Variants in TECPR1 observed in about 807,000 individuals in gnomAD.
The protein encoded by TECPR1 is tectonin beta-propeller repeat containing 1, also known as tectonin beta-propeller repeat-containing protein 1.
A neutral mutation model predicts 162.4 loss-of-function variants in TECPR1; 122 were observed. The observed-to-expected ratio is 0.75, with a 90% CI of 0.65 to 0.87. TECPR1 has a LOEUF of 0.87. Among genes scored for constraint, TECPR1 ranks in the 40% least tolerant of loss-of-function variants. The pLI is 0.00. For missense variants in TECPR1, 1,432 were observed against 1,618.2 expected (o/e 0.88, Z 1.97); for synonymous variants, 642 against 670.6 (o/e 0.96, Z 0.66).
In TECPR1 at chr7:98,217,454, C is replaced by A. The variant is rs533374019; in HGVS notation, c.3434G>T (p.Arg1145Leu). The A allele has an allele frequency of 4.3e-6, 7 of 1,610,322 alleles. No individual in the cohort carries two copies. The South Asian group carries it at 7.7e-5, about 18-fold the overall frequency. ...CGGCTCCTGCTCCTGGGACGAGCTC[C>A]GGGGGGCCCTGGTGGCATTGGCCCG... is the stretch of plus-strand genomic sequence containing the variant. Reference protein sequence around the residue: ...SVRANATRAPRSSSQEQEPSA... With the variant: ...SVRANATRAPLSSSQEQEPSA... The change falls in exon 26 of 26, where the codon CGG becomes CTG. Residue 1145 changes from arginine to leucine, a missense_variant. Transcript: ENST00000447648.
Position 98,232,094 on chromosome 7 carries a change from G to T in TECPR1, c.1819-135C>A. The T allele has an allele frequency of 1.1e-6, 1 of 915,420 alleles. No individual in the cohort carries two copies. Among genetic ancestry groups the T allele is most frequent in the Non-Finnish European group, 1.6e-6 (1 of 608,608 alleles). The allele number at this position is 915,420 out of a possible 1,614,324, so 56.7% of individuals were successfully genotyped here. A position where few individuals can be genotyped will look rare whatever the true frequency, so the allele number is the denominator to read the frequency against. The stretch of plus-strand genomic sequence containing the variant: ...CCCAGCACTCCCGGCTGTCAGCCCA[G>T]CTCCCCCTATGCTAATGATAACAGT... On this transcript the variant is annotated intron_variant, in intron 12 of 25. Transcript: ENST00000447648. This position sits in a 1 kb window ranked among gnomAD's most constrained non-coding sequence, Gnocchi z 4.6.
In TECPR1 at chr7:98,223,159, A is replaced by G. The variant is rs1198708193; in HGVS notation, c.2759T>C (p.Leu920Pro). ...RRRCWARKCK[L>P]VTSGPWLEVP... ...CTCCAGCCAGGGCCCACTGGTCACC[A>G]GCTTGCATTTTCTGTACAGTGGAGA... Residue 920 changes from leucine (L) to proline (P), a missense_variant, in exon 21 of 26, where the codon CTG (leucine) becomes CCG (proline). By Grantham distance (98) the Leu-to-Pro change is moderately conservative (BLOSUM62 -3). Transcript: ENST00000447648. The G allele has an allele frequency of 6.2e-7, 1 of 1,600,698 alleles. No individual in the cohort carries two copies. Among genetic ancestry groups the G allele is most frequent in the South Asian group, 1.1e-5 (1 of 88,936 alleles).
At position 98,217,332 on chromosome 7, in the gene TECPR1, C is replaced by T. The variant is rs1798035477; in HGVS notation, c.*58G>A. The T allele has an allele frequency of 1.7e-6, 2 of 1,157,582 alleles. No individual in the cohort carries two copies. The highest frequency in any genetic ancestry group is 2.4e-5 in the Admixed American group (1 of 42,346). The allele number at this position is 1,157,582 out of a possible 1,614,324, so 71.7% of individuals were successfully genotyped here. ...GGTGCACACTCCAGCACAAGAATGG[C>T]TCAGCCTTGATCCCCCAAACTGGGC... On this transcript the variant is annotated 3_prime_UTR_variant, in exon 26 of 26. Transcript: ENST00000447648.
chr7:98,230,927 GC>G, intron 15 of TECPR1, 33 bp downstream of exon 15: 1 of 1,591,496 alleles, frequency 6.3e-7, no homozygotes. Context: ...GTGAGGCCAG[GC>G]CCCAGACCCC....
In TECPR1 at chr7:98,231,091, C is replaced by T. The variant is rs754564892; in HGVS notation, c.2152G>A (p.Glu718Lys). 92 of 1,603,866 alleles carry T rather than the reference C, an allele frequency of 5.7e-5. No homozygotes were observed. The highest frequency in any genetic ancestry group is 1.6e-4 in the Middle Eastern group (1 of 6,064). The change falls in exon 15 of 26, where the codon GAG becomes AAG. Residue 718 changes from glutamate to lysine, a missense_variant. Physicochemically the swap from Glu to Lys is moderately conservative, Grantham distance 56. Transcript: ENST00000447648. ...GGGCGGCCCTGCACCTTCCGGCTCTCGCAGCAAGACAGGCTGAGCAGGGCG... is the reference window on the plus strand; with the variant it reads ...GGGCGGCCCTGCACCTTCCGGCTCTTGCAGCAAGACAGGCTGAGCAGGGCG... ...WLALLSLSCC[E>K]SRKVQGRPSP...
intron 17 of TECPR1, among the ~76,000 whole-genome samples, 193 bp downstream of exon 17, chr7:98,227,821 C>CA (rs61468739): frequency 0.23 from 23,484 of 102,426 alleles, 2,988 homozygotes; most frequent in South Asian, 0.43. Flanking sequence ...GACCCTGTAT[C>CA]AAAAAAAAAA....
intron 17 of TECPR1, chr7:98,226,616 T>C: frequency 9.5e-7 from 1 of 1,049,338 alleles, no homozygotes; most frequent in South Asian, 2.7e-5. Flanking sequence ...TAAGTGTTTA[T>C]TTCGTCAATT....
intron 15 of TECPR1, among the ~76,000 whole-genome samples, chr7:98,229,736 T>TGTCACC (rs1448869131): frequency 1.1e-4 from 16 of 152,186 alleles, no homozygotes; most frequent in African/African-American, 3.9e-4. Context: ...TCACTGTCAC[T>TGTCACC]GTCACCAGAG....
rs1798151832 is a variant in TECPR1 at position 98,221,895 on chromosome 7, T to C, written c.3065-142A>G. On this transcript the variant is annotated intron_variant, in intron 22 of 25. Coordinates refer to ENST00000447648, the MANE Select transcript of TECPR1 (RefSeq NM_015395.3). ...TGCCACACAGAGCTGACACGTGCCC[T>C]GCCGTCCACCCAGCACTGTGCCTGG... 5 of 657,834 alleles carry C rather than the reference T, an allele frequency of 7.6e-6. No homozygotes were observed. In the South Asian group the frequency reaches 7.7e-5, roughly 10 times the overall value. 40.7% of individuals were successfully genotyped at this position (657,834 alleles called of 1,614,324 possible). A position where few individuals can be genotyped will look rare whatever the true frequency, so the allele number is the denominator to read the frequency against.
rs775625992 is a variant in TECPR1, at chr7:98,246,017, A to G, written c.130T>C (p.Cys44Arg). 6.2e-7 allele frequency: 1 copy of G among 1,601,002 alleles called. No individual in the cohort carries two copies. The highest frequency in any genetic ancestry group is 1.1e-5 in the South Asian group (1 of 88,814). ...TTGTCACAGGCAATGCCCCAGCAGC[A>G]CTGCGTGGTGGCGCTGACGCGCTTG... ...EFKRVSATTQ[C>R]CWGIACDNQV... is the part of the protein sequence containing the mutation. Residue 44 changes from cysteine to arginine, a missense_variant, in exon 3 of 26, where the codon TGC becomes CGC. Cys to Arg is a radical substitution (Grantham distance 180). Coordinates refer to ENST00000447648, the MANE Select transcript of TECPR1 (RefSeq NM_015395.3).
Position 98,231,872 on chromosome 7 carries a change from A to C in TECPR1, c.1906T>G (p.Phe636Val), listed in dbSNP as rs1295882673. ...WVDVRLALEQ[F>V]TGHDGVRDSI... ...TCCCGGACGCCGTCGTGCCCCGTGA[A>C]CTGCTCCAGGGCCAAGCGCACGTCC... Residue 636 changes from phenylalanine to valine, a missense_variant, in exon 13 of 26, where the codon TTC becomes GTC. Phe to Val is a conservative substitution (Grantham distance 50). Transcript: ENST00000447648. 1 of 1,612,594 alleles carries C rather than the reference A, an allele frequency of 6.2e-7. No individual in the cohort carries two copies. Among genetic ancestry groups the C allele is most frequent in the African/African-American group, 1.3e-5 (1 of 74,988 alleles).
rs372289305 is a variant in TECPR1, at chr7:98,230,972, G to C, written c.2271C>G (p.Pro757=). 1.2e-6 allele frequency: 2 copies of C among 1,611,912 alleles called. No individual in the cohort carries two copies. The highest frequency in any genetic ancestry group is 2.7e-5 in the African/African-American group (2 of 75,024). The change falls in exon 15 of 26, where the codon CCC becomes CCG. Residue 757 remains proline (P), a synonymous_variant. Coordinates refer to ENST00000447648, the MANE Select transcript of TECPR1 (RefSeq NM_015395.3). ...PDLEAHEHPL[P]CDQMFWRQMG... The stretch of plus-strand genomic sequence containing the variant: ...TGCGGCTCACTCACATCTGGTCGCA[G>C]GGCAGGGGGTGCTCGTGGGCCTCCA...
chr7:98,234,275 C>A (rs917571358), intron 10 of TECPR1, among the ~76,000 whole-genome samples: 6 of 152,218 alleles, frequency 3.9e-5, no homozygotes, highest in Admixed American at 2.0e-4. Flanking sequence ...GCCTCAGCCT[C>A]CCGAGTAGCT....
chr7:98,236,103 T>C (rs1200313759), intron 10 of TECPR1, among the ~76,000 whole-genome samples: 1 of 152,140 alleles, frequency 6.6e-6, no homozygotes, highest in African/African-American at 2.4e-5. Flanking sequence ...AGCTGAGATG[T>C]CCCCAGCTCA....
chr7:98,237,529 C>T (rs1003200398), intron 9 of TECPR1, among the ~76,000 whole-genome samples: 10 of 151,230 alleles, frequency 6.6e-5, no homozygotes, highest in Non-Finnish European at 1.2e-4. Context: ...AGTGCAGTGG[C>T]GTGATTTCGG....
rs920238827 is a variant in TECPR1 at position 98,241,661 on chromosome 7, C to A, written c.658-417G>T. 6.6e-6 allele frequency among the ~76,000 whole-genome samples: 1 copy of A among 152,210 alleles called. No individual in the cohort carries two copies. Among genetic ancestry groups the A allele is most frequent in the African/African-American group, 2.4e-5 (1 of 41,466 alleles). On this transcript the variant is annotated intron_variant, in intron 6 of 25. Coordinates refer to ENST00000447648, the MANE Select transcript of TECPR1 (RefSeq NM_015395.3). This position sits in a 1 kb window ranked among gnomAD's most constrained non-coding sequence, Gnocchi z 5.0. ...TTTTTCCTTCACTGAATGGTTAAGA[C>A]TGGGAGCAACGTGCTCAGAGCGTCT...
chr7:98,240,658 G>A (rs776786749), intron 8 of TECPR1, among the ~76,000 whole-genome samples, 193 bp downstream of exon 8: 11 of 151,964 alleles, frequency 7.2e-5, no homozygotes, highest in Non-Finnish European at 1.5e-4. Context: ...CAGGCAATCT[G>A]CCCACCTAGG....
intron 8 of TECPR1, among the ~76,000 whole-genome samples, 176 bp downstream of exon 8, chr7:98,240,675 G>A (rs1244732399): frequency 1.3e-5 from 2 of 151,882 alleles, no homozygotes; most frequent in South Asian, 2.1e-4. Flanking sequence ...TAGGCCTCCC[G>A]ATGTGCTGGG....
chr7:98,233,402 G>A lies in TECPR1; in HGVS notation c.1672+19C>T. 1 of 1,433,276 alleles carries A rather than the reference G, an allele frequency of 7.0e-7. No homozygotes were observed. Among genetic ancestry groups the A allele is most frequent in the Non-Finnish European group, 9.2e-7 (1 of 1,091,492 alleles). The allele number at this position is 1,433,276 out of a possible 1,614,324, so 88.8% of individuals were successfully genotyped here. On this transcript the variant is annotated intron_variant, in intron 11 of 25. Transcript: ENST00000447648. ...CACCTGGCCATGTGGATGCCCCCAG[G>A]CCCTGCAGGAGCCCTTACCCGCCTG...
Sources: gnomAD v4.1 joint callset for allele counts (sites outside exome capture counted in the v4.1 genomes callset) on GRCh38, gnomAD v4.1.1 for gene constraint, Gnocchi (gnomAD v3.1) non-coding constraint, MANE v1.5 for transcripts, NCBI Gene and HGNC (gene_info 2026-07-23, HGNC 2026-07-21) for gene names.